The following MECOM variants were observed in gnomAD, a reference collection of about 807,000 sequenced individuals.
MECOM encodes the protein MDS1 and EVI1 complex locus, also known as histone-lysine N-methyltransferase MECOM.
MECOM carries 13 observed loss-of-function variants against 116.3 expected under a neutral mutation model. The ratio of observed to expected loss-of-function variants is 0.11; its 90% CI spans 0.07 to 0.18. The LOEUF (loss-of-function observed/expected upper bound fraction) is 0.18, where lower values mean the gene tolerates loss of function less well. Among genes scored for constraint, MECOM ranks in the 10% least tolerant of loss-of-function variants. The pLI, the probability that MECOM is intolerant of heterozygous loss-of-function variation, is 1.00. For missense variants in MECOM, 1,299 were observed against 1,509.0 expected, an observed-to-expected ratio of 0.86 and a Z score of 2.31; for synonymous variants, 528 against 535.2, an observed-to-expected ratio of 0.99 and a Z score of 0.19.
chr3:169,090,081 C>T lies in MECOM; in HGVS notation c.3320G>A (p.Ser1107Asn). 1 of 1,613,656 alleles carries T rather than the reference C, an allele frequency of 6.2e-7. No individual in the cohort carries two copies. The highest frequency in any genetic ancestry group is 8.5e-7 in the Non-Finnish European group (1 of 1,179,676). ...CTCAGGGTTTCCTTCATGTAAATTA[C>T]TTGTCACTGGTTCCTTTCCTGTTTT... is the stretch of plus-strand genomic sequence containing the variant. ...TGKTGKEPVT[S>N]NLHEGNPEDD... Residue 1107 changes from serine (S) to asparagine (N), a missense_variant, in exon 15 of 17, where the codon AGT (serine) becomes AAT (asparagine). By Grantham distance (46) the Ser-to-Asn change is conservative (BLOSUM62 1). Coordinates refer to ENST00000651503, the MANE Select transcript of MECOM (RefSeq NM_004991.4).
At chr3:169,301,069 C>T (rs1287114595) in intron 2 of MECOM, among the ~76,000 whole-genome samples, 3 of 152,192 alleles carry the variant, frequency 2.0e-5, no homozygotes, top group African/African-American at 7.2e-5. Context: ...TTAGCCACAG[C>T]TCTCTTTTAA....
intron 9 of MECOM, among the ~76,000 whole-genome samples, chr3:169,112,016 C>A (rs1474481601): frequency 6.6e-6 from 1 of 152,002 alleles, no homozygotes; most frequent in Admixed American, 6.6e-5. Context: ...AAGACCAGAG[C>A]TTGCATCCTT....
At position 169,441,917 on chromosome 3, in the gene MECOM, A is replaced by ATGTTTTGTTT. The variant is rs200923526; in HGVS notation, c.38-60403_38-60394dup. Among the ~76,000 whole-genome samples the ATGTTTTGTTT allele has an allele frequency of 3.6e-4, 52 of 144,778 alleles. No homozygotes were observed. The East Asian group carries it at 4.7e-3, about 13-fold the overall frequency. 95.0% of individuals were successfully genotyped at this position (144,778 alleles called of 152,430 possible). On this transcript the variant is annotated intron_variant, in intron 1 of 16. Transcript: ENST00000651503. Reference sequence around the variant, plus strand: ...GGCTAATGTTTTGTTTTGTTTTGTTATGTTTTGTTTTGTTTTGTTTTGTTT... The same window carrying ATGTTTTGTTT: ...GGCTAATGTTTTGTTTTGTTTTGTTATGTTTTGTTTTGTTTTGTTTTGTTTTGTTTTGTTT...
chr3:169,590,569 G>A (rs779733120), intron 1 of MECOM, among the ~76,000 whole-genome samples: 5 of 152,154 alleles, frequency 3.3e-5, no homozygotes, highest in Middle Eastern at 3.2e-3. Context: ...TACAAAGGAG[G>A]ATGTATTTTT....
intron 3 of MECOM, among the ~76,000 whole-genome samples, chr3:169,138,330 A>T (rs1019001397): frequency 7.9e-5 from 12 of 152,122 alleles, no homozygotes; most frequent in Non-Finnish European, 1.6e-4. Flanking sequence ...CAAAAATCCT[A>T]GCGTTATGTC....
intron 1 of MECOM, among the ~76,000 whole-genome samples, chr3:169,555,302 G>A (rs1185746509): frequency 6.6e-6 from 1 of 152,196 alleles, no homozygotes. Context: ...GTAGAATCTA[G>A]TCTTTTCCCT....
intron 1 of MECOM, among the ~76,000 whole-genome samples, chr3:169,469,962 C>T (rs986882223): frequency 6.6e-6 from 1 of 152,196 alleles, no homozygotes; most frequent in African/African-American, 2.4e-5. Context: ...AACTTTCCAG[C>T]AGCTAGCCTT....
At chr3:169,367,349 A>AT (rs3980666) in intron 2 of MECOM, among the ~76,000 whole-genome samples, 12,779 of 150,380 alleles carry the variant, frequency 0.085, 1,416 homozygotes, top group African/African-American at 0.25. Context: ...TTGGTTTTTA[A>AT]TTTTTTTTTT....
intron 2 of MECOM, among the ~76,000 whole-genome samples, chr3:169,338,152 G>A (rs1046148065): frequency 2.0e-5 from 3 of 152,212 alleles, no homozygotes; most frequent in East Asian, 1.9e-4. Context: ...CCTCAGGATC[G>A]GAGGCTCTTA....
intron 1 of MECOM, among the ~76,000 whole-genome samples, chr3:169,420,818 C>T (rs1739597020): frequency 6.6e-6 from 1 of 152,062 alleles, no homozygotes; most frequent in South Asian, 2.1e-4. Flanking sequence ...ATTGAAGATG[C>T]TTTAACTGAA....
intron 13 of MECOM, among the ~76,000 whole-genome samples, chr3:169,093,534 A>C (rs1720482157): frequency 6.6e-6 from 1 of 152,202 alleles, no homozygotes; most frequent in African/African-American, 2.4e-5. Context: ...TACTATGCTA[A>C]AGCATATAAC....
chr3:169,298,868 T>A (rs898379590), intron 2 of MECOM, among the ~76,000 whole-genome samples: 3 of 152,176 alleles, frequency 2.0e-5, no homozygotes, highest in Non-Finnish European at 2.9e-5. Context: ...GTCCTTTGGG[T>A]CCTGCCTCAG....
At chr3:169,490,389 C>T (rs1005597878) in intron 1 of MECOM, among the ~76,000 whole-genome samples, 7 of 152,060 alleles carry the variant, frequency 4.6e-5, no homozygotes, top group African/African-American at 7.2e-5. Flanking sequence ...CAAACCCAAA[C>T]GAGATGCTAG....
intron 1 of MECOM, among the ~76,000 whole-genome samples, chr3:169,434,037 C>A (rs912000817): frequency 6.6e-6 from 1 of 152,042 alleles, no homozygotes; most frequent in African/African-American, 2.4e-5. Context: ...AGTGTCAAAA[C>A]GTAATTGATA....
At chr3:169,507,666 T>TTTTTTTTTTTTTTTTTC (rs1755421349) in intron 1 of MECOM, among the ~76,000 whole-genome samples, 1 of 123,478 alleles carries the variant, frequency 8.1e-6, no homozygotes, top group South Asian at 2.7e-4. Flanking sequence ...TTTTTTTTTT[T>TTTTTTTTTTTTTTTTTC]TTTTTTTTTT....
At chr3:169,129,771 T>G (rs1269472955) in intron 4 of MECOM, among the ~76,000 whole-genome samples, 1 of 152,158 alleles carries the variant, frequency 6.6e-6, no homozygotes, top group East Asian at 1.9e-4. Context: ...AGATTTTGGG[T>G]TGAATGCTGA....
intron 2 of MECOM, among the ~76,000 whole-genome samples, chr3:169,350,188 C>T (rs1379703427): frequency 6.6e-6 from 1 of 151,898 alleles, no homozygotes; most frequent in African/African-American, 2.4e-5. Context: ...CTTCACATGT[C>T]AACACCTTTA....
intron 2 of MECOM, among the ~76,000 whole-genome samples, chr3:169,194,514 A>T (rs1205363185): frequency 6.6e-6 from 1 of 152,088 alleles, no homozygotes. Context: ...GCTTGTTTGT[A>T]AACATCTTAA....
intron 2 of MECOM, among the ~76,000 whole-genome samples, chr3:169,162,334 C>CCCATG (rs552171895): frequency 4.1e-4 from 63 of 152,242 alleles, no homozygotes; most frequent in African/African-American, 1.3e-3. Flanking sequence ...GCTGTTAAGT[C>CCCATG]CCATGCAATC....
Sources: allele counts gnomAD v4.1 joint callset (sites outside exome capture counted in the v4.1 genomes callset), GRCh38; gene constraint gnomAD v4.1.1; transcripts MANE v1.5; gene names NCBI Gene and HGNC (gene_info 2026-07-23, HGNC 2026-07-21).